The following CLIP4 variants were observed in gnomAD, a reference collection of about 807,000 sequenced individuals.
CLIP4 encodes the protein CAP-Gly domain containing linker protein family member 4.
CLIP4 carries 47 observed loss-of-function variants against 73.1 expected under a neutral mutation model. The ratio of observed to expected loss-of-function variants is 0.64; its 90% CI spans 0.51 to 0.82. The LOEUF (loss-of-function observed/expected upper bound fraction) is 0.82, where lower values mean the gene tolerates loss of function less well. CLIP4 is among the 40% of genes least tolerant of loss of function. CLIP4 has a pLI of 0.00. For synonymous variants in CLIP4, 306 were observed against 295.4 expected (o/e 1.04, Z -0.37); for missense variants, 874 against 852.9 (o/e 1.02, Z -0.31).
chr2:29,132,101 A>G (rs1219676753), intron 3 of CLIP4, 51 bp from the exon 4 acceptor site: 1 of 1,366,290 alleles, frequency 7.3e-7, no homozygotes, highest in South Asian at 1.2e-5. Context: ...TTTGAAAGCA[A>G]TAGGTACCTC....
chr2:29,146,441 T>C (rs1666171451), intron 8 of CLIP4, among the ~76,000 whole-genome samples: 1 of 152,202 alleles, frequency 6.6e-6, no homozygotes, highest in Non-Finnish European at 1.5e-5. Context: ...TTCTGACAAA[T>C]GTTTAAGTAA....
upstream of CLIP4, among the ~76,000 whole-genome samples, chr2:29,112,348 C>T (rs937950385): frequency 6.6e-6 from 1 of 152,198 alleles, no homozygotes; most frequent in South Asian, 2.1e-4. Context: ...GATACTTTTA[C>T]AATGTAAAGT....
chr2:29,174,651 G>A (rs1370655307), intron 15 of CLIP4: 2 of 1,305,126 alleles, frequency 1.5e-6, no homozygotes, highest in East Asian at 3.2e-5. Context: ...ACTAAAACTA[G>A]TGCACTGCAT....
chr2:29,101,500 A>G (rs1448729143), intron 1 of CLIP4, among the ~76,000 whole-genome samples: 1 of 152,098 alleles, frequency 6.6e-6, no homozygotes, highest in African/African-American at 2.4e-5. Flanking sequence ...TAGCCAGTCT[A>G]GCCTTTCAAT....
chr2:29,111,354 G>T (rs1433463797), upstream of CLIP4, among the ~76,000 whole-genome samples: 2 of 152,220 alleles, frequency 1.3e-5, no homozygotes, highest in Admixed American at 1.3e-4. Flanking sequence ...GTGACCTCAA[G>T]CTACACTGGT....
Position 29,131,915 on chromosome 2 carries a change from G to A in CLIP4, c.274-237G>A, listed in dbSNP as rs1300864200. The A allele has an allele frequency of 6.6e-6, 3 of 457,744 alleles. No homozygotes were observed. In the East Asian group the frequency reaches 1.1e-4, roughly 16 times the overall value. 28.4% of individuals were successfully genotyped at this position (457,744 alleles called of 1,614,324 possible). On this transcript the variant is annotated intron_variant, in intron 3 of 15. Coordinates refer to ENST00000320081, the MANE Select transcript of CLIP4 (RefSeq NM_024692.6). Reference sequence around the variant, plus strand: ...TGAGAGGAACATATTTGGAGTGCCAGATTACCTTTGGAATAATCTTTAAGA... The same window carrying A: ...TGAGAGGAACATATTTGGAGTGCCAAATTACCTTTGGAATAATCTTTAAGA...
intron 6 of CLIP4, among the ~76,000 whole-genome samples, chr2:29,141,441 T>C (rs1665759476): frequency 6.6e-6 from 1 of 152,226 alleles, no homozygotes; most frequent in Non-Finnish European, 1.5e-5. Flanking sequence ...CCCACTATTA[T>C]TGTGTGACTA....
intron 6 of CLIP4, among the ~76,000 whole-genome samples, chr2:29,142,889 T>C (rs1307331902): frequency 6.6e-6 from 1 of 152,242 alleles, no homozygotes; most frequent in Admixed American, 6.5e-5. Context: ...GATAGGGCTT[T>C]TATGATACAT....
At chr2:29,170,320 A>G (rs1667920609) in intron 14 of CLIP4, among the ~76,000 whole-genome samples, 1 of 152,126 alleles carries the variant, frequency 6.6e-6, no homozygotes, top group Non-Finnish European at 1.5e-5. Context: ...TAGTTTTTTG[A>G]AGAAACTCCA....
chr2:29,121,636 C>T (rs941932592), intron 2 of CLIP4, 115 bp downstream of exon 2: 4 of 1,216,278 alleles, frequency 3.3e-6, no homozygotes, highest in Admixed American at 2.6e-5. Flanking sequence ...CATAAAATTG[C>T]TAAAGTTTTC....
chr2:29,124,965 A>T (rs1406338404), intron 2 of CLIP4, among the ~76,000 whole-genome samples: 2 of 152,182 alleles, frequency 1.3e-5, no homozygotes, highest in Non-Finnish European at 2.9e-5. Flanking sequence ...TGGCTGCCAG[A>T]CATTGTGAAT....
Position 29,121,597 on chromosome 2 carries a change from G to GTT in CLIP4, c.133+77_133+78insTT. The GTT allele has an allele frequency of 3.3e-6, 5 of 1,501,898 alleles. No homozygotes were observed. The South Asian group carries it at 6.2e-5, about 19-fold the overall frequency. The allele number at this position is 1,501,898 out of a possible 1,614,324, so 93.0% of individuals were successfully genotyped here. On this transcript the variant is annotated intron_variant, in intron 2 of 15. Coordinates refer to ENST00000320081, the MANE Select transcript of CLIP4 (RefSeq NM_024692.6). ...CTGTTACGCCTTTTTTGCACTCATA[G>GTT]TCTTTCTTAGAACCATTTTTATGGT...
chr2:29,117,982 T>C (rs1663983753), intron 1 of CLIP4, among the ~76,000 whole-genome samples: 2 of 152,266 alleles, frequency 1.3e-5, no homozygotes, highest in Non-Finnish European at 2.9e-5. Flanking sequence ...TGTTCAGTAC[T>C]GTAAATACCT....
At chr2:29,157,126 G>A in intron 10 of CLIP4, 78 bp from the exon 11 acceptor site, 4 of 1,268,448 alleles carry the variant, frequency 3.2e-6, no homozygotes, top group Non-Finnish European at 4.6e-6. Flanking sequence ...AAGAATTTCA[G>A]AAAGATTTGC....
Position 29,121,537 on chromosome 2 carries a change from G to A in CLIP4, c.133+16G>A, listed in dbSNP as rs765842485. 1.2e-6 allele frequency: 2 copies of A among 1,610,732 alleles called. No individual in the cohort carries two copies. Among genetic ancestry groups the A allele is most frequent in the African/African-American group, 2.7e-5 (2 of 74,780 alleles). On this transcript the variant is annotated intron_variant, in intron 2 of 15. Coordinates refer to ENST00000320081, the MANE Select transcript of CLIP4 (RefSeq NM_024692.6). ...TCAGACTGTGGTATGTGAAGTAGCTGTGCTTATTTTCTGTGAACTGGTAAC... is the reference window on the plus strand; with the variant it reads ...TCAGACTGTGGTATGTGAAGTAGCTATGCTTATTTTCTGTGAACTGGTAAC...
chr2:29,107,989 A>T (rs1005983611), intron 1 of CLIP4, among the ~76,000 whole-genome samples: 2 of 148,728 alleles, frequency 1.3e-5, no homozygotes, highest in Non-Finnish European at 3.0e-5. Flanking sequence ...GCCCTCTTGG[A>T]GTTTCTTTTT....
At position 29,152,676 on chromosome 2, in the gene CLIP4, C is replaced by G; in HGVS notation, c.1022-9C>G. 6.2e-7 allele frequency: 1 copy of G among 1,610,200 alleles called. No individual in the cohort carries two copies. The highest frequency in any genetic ancestry group is 8.5e-7 in the Non-Finnish European group (1 of 1,178,488). ...TTGTTTAACACTAAAATTCTGCATT[C>G]TCCCTTAGGTATTTTTGCACCTCTT... On this transcript the variant is annotated splice_polypyrimidine_tract_variant and intron_variant, in intron 8 of 15. Transcript: ENST00000320081.
At chr2:29,128,149 C>T (rs1156914099) in intron 2 of CLIP4, among the ~76,000 whole-genome samples, 1 of 150,606 alleles carries the variant, frequency 6.6e-6, no homozygotes, top group Non-Finnish European at 1.5e-5. Flanking sequence ...TTTGACAATG[C>T]TTCCCATGCA....
chr2:29,171,082 G>A (rs1322745739), intron 14 of CLIP4, among the ~76,000 whole-genome samples: 1 of 152,038 alleles, frequency 6.6e-6, no homozygotes, highest in Non-Finnish European at 1.5e-5. Context: ...GTTATTCTAG[G>A]CCTTTCACCT....
Sources: allele counts gnomAD v4.1 joint callset (sites outside exome capture counted in the v4.1 genomes callset), GRCh38; gene constraint gnomAD v4.1.1; transcripts MANE v1.5; gene names NCBI Gene and HGNC (gene_info 2026-07-23, HGNC 2026-07-21).